The following ZNF888 variants were observed in gnomAD, a reference collection of about 807,000 sequenced individuals.
ZNF888 encodes the protein zinc finger protein 888.
ZNF888 carries 5 observed loss-of-function variants against 7.2 expected under a neutral mutation model. That is an observed-to-expected ratio of 0.70 (90% CI 0.36 to 1.46). The LOEUF (loss-of-function observed/expected upper bound fraction) is 1.46. ZNF888 is among the 40% of genes most tolerant of loss of function. ZNF888 has a pLI of 0.03. For synonymous variants in ZNF888, 240 were observed against 284.3 expected, an observed-to-expected ratio of 0.84 and a Z score of 1.57; for missense variants, 716 against 858.0, an observed-to-expected ratio of 0.83 and a Z score of 2.07.
chr19:52,912,346 C>T (rs111327027), intron 4 of ZNF888, among the ~76,000 whole-genome samples: 89,660 of 147,040 alleles, frequency 0.61, 27,336 homozygotes, highest in Admixed American at 0.69. Flanking sequence ...ATCTCCTGAC[C>T]TCGTGATCCG....
chr19:52,916,675 T>C (rs1028323393), intron 3 of ZNF888, among the ~76,000 whole-genome samples: 1 of 147,846 alleles, frequency 6.8e-6, no homozygotes, highest in African/African-American at 2.6e-5. Flanking sequence ...GCAAGTTTTG[T>C]TTAAGTGAAG....
Position 52,905,638 on chromosome 19 carries a change from T to C in ZNF888, c.*527A>G, listed in dbSNP as rs992818889. On this transcript the variant is annotated 3_prime_UTR_variant, in exon 5 of 5. Coordinates refer to ENST00000638862, the MANE Select transcript of ZNF888 (RefSeq NM_001393938.1). Reference sequence around the variant, plus strand: ...CCTAATCCTCTTAACATAAACACTTTAATGTCAATTAATGCTTGAACTCAA... The same window carrying C: ...CCTAATCCTCTTAACATAAACACTTCAATGTCAATTAATGCTTGAACTCAA... 2.5e-6 allele frequency: 1 copy of C among 394,816 alleles called. No homozygotes were observed. Among genetic ancestry groups the C allele is most frequent in the Non-Finnish European group, 5.1e-6 (1 of 194,868 alleles). The allele number at this position is 394,816 out of a possible 1,614,324, so 24.5% of individuals were successfully genotyped here.
chr19:52,906,626 C>T lies in ZNF888; in HGVS notation c.1696G>A (p.Ala566Thr). The change falls in exon 5 of 5, where the codon GCA becomes ACA. Residue 566 changes from alanine (A) to threonine (T), a missense_variant. Ala to Thr is a moderately conservative substitution (Grantham distance 58). This residue lies in a region of ZNF888 where 697 missense variants were observed against 803.4 expected (regional missense o/e 0.87). Coordinates refer to ENST00000638862, the MANE Select transcript of ZNF888 (RefSeq NM_001393938.1). ...CCAGTATGAAGTCTATGATGATATG[C>T]AAGGCTTGATTTGTGATTAAAACTT... Reference protein sequence around the residue: ...GKSFNHKSSLAYHHRLHTGEK... With the variant: ...GKSFNHKSSLTYHHRLHTGEK... 6 of 1,613,506 alleles carry T rather than the reference C, an allele frequency of 3.7e-6. No homozygotes were observed. Among genetic ancestry groups the T allele is most frequent in the Non-Finnish European group, 5.1e-6 (6 of 1,179,694 alleles).
At chr19:52,917,551 G>A in intron 3 of ZNF888, 2 of 555,108 alleles carry the variant, frequency 3.6e-6, no homozygotes, top group Admixed American at 3.0e-5. Flanking sequence ...AGTGCATCCA[G>A]ATGCGGCCCT....
At chr19:52,912,405 G>A (rs1268855577) in intron 4 of ZNF888, among the ~76,000 whole-genome samples, 3 of 151,380 alleles carry the variant, frequency 2.0e-5, no homozygotes, top group Non-Finnish European at 4.4e-5. Context: ...GAGCCACCGT[G>A]CCTGGCCAGC....
rs1273920665 is a variant in ZNF888 at position 52,907,725 on chromosome 19, T to C, written c.597A>G (p.Ser199=). The C allele has an allele frequency of 6.2e-7, 1 of 1,613,338 alleles. No individual in the cohort carries two copies. The highest frequency in any genetic ancestry group is 8.5e-7 in the Non-Finnish European group (1 of 1,179,678). ...GTACATCCTGTTTCTGTGTGAGTAA[T>C]GAAGAATGGAAGAAATTATTCCCAT... ...NNYGNNFFHS[S]LLTQKQDVHR... The change falls in exon 5 of 5, where the codon TCA becomes TCG. Residue 199 remains serine (S), a synonymous_variant. Transcript: ENST00000638862.
At chr19:52,922,445 T>C (rs1056287448) in intron 1 of ZNF888, among the ~76,000 whole-genome samples, 13 of 152,148 alleles carry the variant, frequency 8.5e-5, no homozygotes, top group East Asian at 3.9e-4. Flanking sequence ...CTCTCCCTCA[T>C]TCTCATGAGC....
At chr19:52,916,584 T>C (rs1045285859) in intron 3 of ZNF888, among the ~76,000 whole-genome samples, 3 of 143,286 alleles carry the variant, frequency 2.1e-5, no homozygotes, top group African/African-American at 5.2e-5. Flanking sequence ...CATACACATA[T>C]ATATGTATTA....
chr19:52,918,012 C>T, intron 2 of ZNF888, 81 bp from the exon 3 acceptor site: 2 of 1,536,296 alleles, frequency 1.3e-6, no homozygotes, highest in Non-Finnish European at 1.7e-6. Context: ...AAAACAACGA[C>T]ACATACAAAG....
chr19:52,913,636 T>C, intron 4 of ZNF888: 1 of 864,570 alleles, frequency 1.2e-6, no homozygotes, highest in Non-Finnish European at 1.4e-6. Context: ...GTTACAGAAA[T>C]TTTAAGTTTC....
chr19:52,905,008 C>T lies in ZNF888; in HGVS notation c.*1157G>A, dbSNP rs1471751274. The T allele has an allele frequency of 5.9e-5, 9 of 153,078 alleles. No homozygotes were observed. Among genetic ancestry groups the T allele is most frequent in the Admixed American group, 2.0e-4 (3 of 15,288 alleles). 9.5% of individuals were successfully genotyped at this position (153,078 alleles called of 1,614,324 possible). A position where few individuals can be genotyped will look rare whatever the true frequency, so the allele number is the denominator to read the frequency against. On this transcript the variant is annotated 3_prime_UTR_variant, in exon 5 of 5. Transcript: ENST00000638862. ...AAAGTAAGAAATACTTAGGAATAAA[C>T]GTACAAAGCTGAGAAGTTTGTACCT...
At chr19:52,909,117 C>G (rs1360030097) in intron 4 of ZNF888, among the ~76,000 whole-genome samples, 1 of 150,588 alleles carries the variant, frequency 6.6e-6, no homozygotes, top group Non-Finnish European at 1.5e-5. Context: ...TGCACTCCAG[C>G]CTGAGCAAAA....
rs1013251194 is a variant in ZNF888, at chr19:52,923,402, C to A, written c.-211G>T. ...TGTGACTTCCAGTCCACGCGATCCG[C>A]TTCCTGGTCCGGGCGAATCTACAAG... is the stretch of plus-strand genomic sequence containing the variant. On this transcript the variant is annotated 5_prime_UTR_variant, in exon 1 of 5. Transcript: ENST00000638862. 3.0e-6 allele frequency: 3 copies of A among 985,846 alleles called. No homozygotes were observed. The African/African-American group carries it at 5.2e-5, about 17-fold the overall frequency. 61.1% of individuals were successfully genotyped at this position (985,846 alleles called of 1,614,324 possible). A position where few individuals can be genotyped will look rare whatever the true frequency, so the allele number is the denominator to read the frequency against.
intron 4 of ZNF888, among the ~76,000 whole-genome samples, chr19:52,912,022 T>C (rs6509703): frequency 0.25 from 36,329 of 148,226 alleles, 5,416 homozygotes; most frequent in African/African-American, 0.38. Context: ...ACCGTGTTAG[T>C]CAGGATGGTC....
rs1487608422 is a variant in ZNF888, at chr19:52,906,618, ATG to A, written c.1702_1703del (p.His568SerfsTer2). ...GTTTCTCTCCAGTATGAAGTCTATG[ATG>A]ATATGCAAGGCTTGATTTGTGATTA... ...SFNHKSSLAY[H>X]HRLHTGEKPY... On this transcript the variant is annotated frameshift_variant, in exon 5 of 5. Coordinates refer to ENST00000638862, the MANE Select transcript of ZNF888 (RefSeq NM_001393938.1). LOFTEE classifies it low-confidence loss of function (END_TRUNC). 1 of 1,613,470 alleles carries A rather than the reference ATG, an allele frequency of 6.2e-7. No homozygotes were observed. The highest frequency in any genetic ancestry group is 1.3e-5 in the African/African-American group (1 of 74,828).
At chr19:52,910,149 C>CAAAA (rs71335690) in intron 4 of ZNF888, among the ~76,000 whole-genome samples, 15 of 83,924 alleles carry the variant, frequency 1.8e-4, no homozygotes, top group South Asian at 4.7e-4. Context: ...GACTTCGTCT[C>CAAAA]AAAAAAAAAA....
rs966269911 is a variant in ZNF888 at position 52,906,162 on chromosome 19, A to G, written c.*3T>C. The G allele has an allele frequency of 1.2e-5, 19 of 1,612,728 alleles. No homozygotes were observed. Among genetic ancestry groups the G allele is most frequent in the Non-Finnish European group, 1.4e-5 (17 of 1,179,254 alleles). The stretch of plus-strand genomic sequence containing the variant: ...TACTGAAGACTTGGTGACAATCATT[A>G]CATTAGTCAAGTTTCCCTACACCAT... On this transcript the variant is annotated 3_prime_UTR_variant, in exon 5 of 5. Coordinates refer to ENST00000638862, the MANE Select transcript of ZNF888 (RefSeq NM_001393938.1).
chr19:52,907,116 T>G lies in ZNF888; in HGVS notation c.1206A>C (p.Val402=). 6.2e-7 allele frequency: 1 copy of G among 1,612,214 alleles called. No homozygotes were observed. Among genetic ancestry groups the G allele is most frequent in the Non-Finnish European group, 8.5e-7 (1 of 1,179,562 alleles). Residue 402 remains valine (V), a synonymous_variant, in exon 5 of 5, where the codon GTA becomes GTC. Coordinates refer to ENST00000638862, the MANE Select transcript of ZNF888 (RefSeq NM_001393938.1). The part of the protein sequence containing the change: ...RHDSHLAQHI[V]IHTREKPYKC... ...TGTAAGGTTTCTCTCTAGTGTGAATTACAATATGCTGTGCCAGGTGTGAAT... is the reference window on the plus strand; with the variant it reads ...TGTAAGGTTTCTCTCTAGTGTGAATGACAATATGCTGTGCCAGGTGTGAAT...
At chr19:52,910,656 G>C (rs1240319747) in intron 4 of ZNF888, among the ~76,000 whole-genome samples, 1 of 152,070 alleles carries the variant, frequency 6.6e-6, no homozygotes. Context: ...TTTCCACCAT[G>C]TTAGGACATG....
Sources: allele counts gnomAD v4.1 joint callset (sites outside exome capture counted in the v4.1 genomes callset), GRCh38; gene constraint gnomAD v4.1.1; regional missense constraint gnomAD v4.1.1; transcripts MANE v1.5; gene names NCBI Gene and HGNC (gene_info 2026-07-23, HGNC 2026-07-21).